CX3CR1: variants seen among roughly 807,000 people sequenced by gnomAD.
CX3CR1 encodes the protein C-X3-C motif chemokine receptor 1.
For synonymous variants in CX3CR1, 168 were observed against 178.5 expected, an observed-to-expected ratio of 0.94 and a Z score of 0.47; for missense variants, 363 against 432.4, an observed-to-expected ratio of 0.84 and a Z score of 1.42.
chr3:39,286,543 C>CGG (rs2040944159), upstream of CX3CR1: 1 of 146,700 alleles, frequency 6.8e-6, no homozygotes, highest in South Asian at 2.2e-4. Flanking sequence ...CCCAGCTACT[C>CGG]GGGAGGCTGA....
At chr3:39,268,079 C>G (rs2040727257) in intron 1 of CX3CR1, among the ~76,000 whole-genome samples, 1 of 152,216 alleles carries the variant, frequency 6.6e-6, no homozygotes. Flanking sequence ...ACACCCTTTC[C>G]ATGATGGTTT....
At chr3:39,276,689 G>A (rs1241433737) in intron 1 of CX3CR1, among the ~76,000 whole-genome samples, 1 of 152,196 alleles carries the variant, frequency 6.6e-6, no homozygotes, top group African/African-American at 2.4e-5. Context: ...CAATGTTGCC[G>A]TGAAAATTTT....
intron 1 of CX3CR1, among the ~76,000 whole-genome samples, chr3:39,271,579 G>A (rs529855003): frequency 6.8e-4 from 103 of 152,252 alleles, no homozygotes; most frequent in Admixed American, 1.2e-3. Context: ...AGATATCAGC[G>A]TGGGTAATTG....
At chr3:39,290,436 T>C in the CX3CR1 span, among the ~76,000 whole-genome samples, 1 of 152,254 alleles carries the variant, frequency 6.6e-6, no homozygotes, top group Non-Finnish European at 1.5e-5. Flanking sequence ...GTCTGGCAGC[T>C]GACAGGCAAG....
the CX3CR1 span, among the ~76,000 whole-genome samples, chr3:39,290,844 C>G: frequency 2.6e-5 from 4 of 151,702 alleles, no homozygotes; most frequent in Non-Finnish European, 4.4e-5. Context: ...TTGCTTGAAC[C>G]TGGGAGGCGG....
At chr3:39,286,804 C>T in the CX3CR1 span, 1 of 152,172 alleles carries the variant, frequency 6.6e-6, no homozygotes, top group Non-Finnish European at 1.5e-5. Context: ...ACCTCAGCTA[C>T]ACTTTTTCAT....
In CX3CR1 at chr3:39,265,738, G is replaced by A. The variant is rs765564346; in HGVS notation, c.772C>T (p.Leu258Phe). ...TCACAACTGGGAAAGAAGTCATAGA[G>A]CTTAAGCGTCTCCAGGAAAATCATA... ...NVMIFLETLK[L>F]YDFFPSCDMR... Residue 258 changes from leucine to phenylalanine, a missense_variant, in exon 2 of 2, where the codon CTC becomes TTC. Transcript: ENST00000399220. 49 of 1,614,230 alleles carry A rather than the reference G, an allele frequency of 3.0e-5. No homozygotes were observed. The East Asian group carries it at 4.9e-4, about 16-fold the overall frequency.
intron 1 of CX3CR1, among the ~76,000 whole-genome samples, chr3:39,277,385 C>T (rs2040851447): frequency 6.6e-6 from 1 of 152,194 alleles, no homozygotes; most frequent in Admixed American, 6.5e-5. Context: ...TCTCGGAATG[C>T]CTGGGCTGTG....
intron 1 of CX3CR1, among the ~76,000 whole-genome samples, chr3:39,278,435 TG>T (rs2040861607): frequency 6.6e-6 from 1 of 152,094 alleles, no homozygotes; most frequent in Non-Finnish European, 1.5e-5. Flanking sequence ...CAACCCACAG[TG>T]GTCCTCAAGG....
upstream of CX3CR1, among the ~76,000 whole-genome samples, chr3:39,283,132 C>A (rs2040918617): frequency 6.6e-6 from 1 of 152,188 alleles, no homozygotes; most frequent in African/African-American, 2.4e-5. Flanking sequence ...TTTGAGTGAT[C>A]CTTCTGCCGC....
At chr3:39,274,559 A>G (rs2040818426) in intron 1 of CX3CR1, among the ~76,000 whole-genome samples, 1 of 150,024 alleles carries the variant, frequency 6.7e-6, no homozygotes, top group Non-Finnish European at 1.5e-5. Flanking sequence ...AAAACCTGCC[A>G]TTATTTTGTG....
At chr3:39,277,670 A>G (rs1195621071) in intron 1 of CX3CR1, among the ~76,000 whole-genome samples, 1 of 152,074 alleles carries the variant, frequency 6.6e-6, no homozygotes, top group Non-Finnish European at 1.5e-5. Flanking sequence ...CATACCTGAC[A>G]TTGCCACTGT....
At chr3:39,282,356 T>TC (rs2040911275), upstream of CX3CR1, among the ~76,000 whole-genome samples, 1 of 151,928 alleles carries the variant, frequency 6.6e-6, no homozygotes, top group Admixed American at 6.5e-5. Flanking sequence ...ATTCCTTAGA[T>TC]CCCCGTCTTC....
rs536137619 is a variant in CX3CR1, at chr3:39,266,019, T to C, written c.491A>G (p.Gln164Arg). Residue 164 changes from glutamine to arginine, a missense_variant, in exon 2 of 2, where the codon CAG becomes CGG. Gln to Arg is a conservative substitution (Grantham distance 43). Coordinates refer to ENST00000399220, the MANE Select transcript of CX3CR1 (RefSeq NM_001337.4). ...TTCTTTCTGCTTTGTGAACATGAAC[T>C]GGGGTGCTGCCACCAAAATGGCTGC... ...WAAAILVAAP[Q>R]FMFTKQKENE... The C allele has an allele frequency of 1.2e-6, 2 of 1,614,164 alleles. No individual in the cohort carries two copies. The highest frequency in any genetic ancestry group is 2.2e-5 in the South Asian group (2 of 91,082).
chr3:39,283,795 T>TTTTTTATATA (rs1553606448), upstream of CX3CR1, among the ~76,000 whole-genome samples: 1 of 65,290 alleles, frequency 1.5e-5, no homozygotes, highest in Non-Finnish European at 2.8e-5. Context: ...AAAAAAAAAA[T>TTTTTTATATA]TATATATATA....
chr3:39,275,925 A>C (rs1270646611), intron 1 of CX3CR1, among the ~76,000 whole-genome samples: 5 of 137,606 alleles, frequency 3.6e-5, no homozygotes, highest in African/African-American at 7.5e-5. Context: ...ATATCACAAA[A>C]AAAAAAAAAA....
Position 39,266,133 on chromosome 3 carries a change from T to C in CX3CR1, c.377A>G (p.Asp126Gly), listed in dbSNP as rs1223873837. Residue 126 changes from aspartate (D) to glycine (G), a missense_variant, in exon 2 of 2, where the codon GAT becomes GGT. Transcript: ENST00000399220. ...GGCCAGGACGATGGCCAGGTACCTA[T>C]CAATGCTGATGACGGTGATGAAGAA... ...SIFFITVISI[D>G]RYLAIVLAAN... 1 of 1,613,994 alleles carries C rather than the reference T, an allele frequency of 6.2e-7. No individual in the cohort carries two copies. Among genetic ancestry groups the C allele is most frequent in the African/African-American group, 1.3e-5 (1 of 74,870 alleles).
chr3:39,283,926 T>A (rs1370053237), upstream of CX3CR1, among the ~76,000 whole-genome samples: 3 of 146,410 alleles, frequency 2.0e-5, no homozygotes, highest in Admixed American at 1.4e-4. Context: ...GTAAAAAAAA[T>A]TTAATTTACC....
At chr3:39,287,590 C>A in the CX3CR1 span, 1 of 151,910 alleles carries the variant, frequency 6.6e-6, no homozygotes, top group East Asian at 1.9e-4. Flanking sequence ...CATTTATTTT[C>A]GACAAATTTG....
Sources: allele counts gnomAD v4.1 joint callset (sites outside exome capture counted in the v4.1 genomes callset), GRCh38; gene constraint gnomAD v4.1.1; transcripts MANE v1.5; gene names NCBI Gene and HGNC (gene_info 2026-07-23, HGNC 2026-07-21).